Variants in LACTB observed in about 807,000 individuals in gnomAD.
LACTB encodes the protein lactamase beta.
A neutral mutation model predicts 50.2 loss-of-function variants in LACTB; 35 were observed. The ratio of observed to expected loss-of-function variants is 0.70; its 90% CI spans 0.53 to 0.92. The LOEUF (loss-of-function observed/expected upper bound fraction) is 0.92. Among genes scored for constraint, LACTB ranks in the 40% least tolerant of loss-of-function variants. The pLI, the probability that LACTB is intolerant of heterozygous loss-of-function variation, is 0.00. For synonymous variants in LACTB, 252 were observed against 268.2 expected (o/e 0.94, Z 0.59); for missense variants, 664 against 691.8 (o/e 0.96, Z 0.45).
intron 2 of LACTB, 78 bp downstream of exon 2, chr15:63,122,780 A>T (rs763985744): frequency 2.1e-6 from 2 of 938,320 alleles, no homozygotes; most frequent in Non-Finnish European, 1.7e-6. Flanking sequence ...AGTGGATCCC[A>T]TGAAATGCTA....
chr15:63,133,924 C>A (rs994892906), intron 5 of LACTB, among the ~76,000 whole-genome samples: 16 of 152,140 alleles, frequency 1.1e-4, no homozygotes, highest in African/African-American at 3.9e-4. Context: ...ATTTGGAAAG[C>A]AAATACTTGG....
At position 63,126,616 on chromosome 15, in the gene LACTB, A is replaced by G. The variant is rs572649907; in HGVS notation, c.425-243A>G. ...GCTAAGAAAAATTTGTATCTAAGTC[A>G]TAGAAAATTGCTATTGCAAACAGGG... On this transcript the variant is annotated intron_variant, in intron 2 of 5. Transcript: ENST00000261893. Among the ~76,000 whole-genome samples, 3 of 152,366 alleles carry G rather than the reference A, an allele frequency of 2.0e-5. No homozygotes were observed. The South Asian group carries it at 6.2e-4, about 32-fold the overall frequency.
intron 5 of LACTB, 29 bp downstream of exon 5, chr15:63,129,679 C>A: frequency 6.8e-7 from 1 of 1,471,118 alleles, no homozygotes; most frequent in South Asian, 1.5e-5. Flanking sequence ...CTGTGTCTAG[C>A]TATATCGCAT....
rs943328168 is a variant in LACTB, at chr15:63,122,158, C to T, written c.287C>T (p.Pro96Leu). The change falls in exon 1 of 6, where the codon CCG (proline) becomes CTG (leucine). Residue 96 changes from proline (P) to leucine (L), a missense_variant. Coordinates refer to ENST00000261893, the MANE Select transcript of LACTB (RefSeq NM_032857.5). Reference sequence around the variant, plus strand: ...CTCGCCCCGTGGTCTCCGCAGACCCCGGCGCCGCCCTGCTCCAGGTGCTTC... The same window carrying T: ...CTCGCCCCGTGGTCTCCGCAGACCCTGGCGCCGCCCTGCTCCAGGTGCTTC... ...QSLAPWSPQT[P>L]APPCSRCFAR... 1.4e-5 allele frequency: 21 copies of T among 1,514,970 alleles called. No homozygotes were observed. Among genetic ancestry groups the T allele is most frequent in the Non-Finnish European group, 1.8e-5 (20 of 1,139,234 alleles). The allele number at this position is 1,514,970 out of a possible 1,614,324, so 93.8% of individuals were successfully genotyped here.
rs1160210142 is a variant in LACTB at position 63,127,585 on chromosome 15, A to G, written c.848A>G (p.Lys283Arg). 1 of 1,613,626 alleles carries G rather than the reference A, an allele frequency of 6.2e-7. No homozygotes were observed. The change falls in exon 4 of 6, where the codon AAA (lysine) becomes AGA (arginine). Residue 283 changes from lysine to arginine, a missense_variant. Physicochemically the swap from Lys to Arg is conservative, Grantham distance 26 (BLOSUM62 2). Transcript: ENST00000261893. ...AKCRNSKPGK[K>R]KNDFEQGELY... is the part of the protein sequence containing the mutation. Reference sequence around the variant, plus strand: ...TGCCGGAATTCAAAACCTGGCAAGAAAAAGAATGATTTTGAACAAGGCGAA... The same window carrying G: ...TGCCGGAATTCAAAACCTGGCAAGAGAAAGAATGATTTTGAACAAGGCGAA...
At chr15:63,130,039 G>C (rs746952785) in intron 5 of LACTB, 1 of 155,026 alleles carries the variant, frequency 6.5e-6, no homozygotes, top group Non-Finnish European at 1.4e-5. Context: ...AGTTGCAAGA[G>C]TAGTACAAAG....
chr15:63,135,756 C>G (rs950724284), intron 5 of LACTB, among the ~76,000 whole-genome samples: 3 of 152,218 alleles, frequency 2.0e-5, no homozygotes, highest in African/African-American at 4.8e-5. Flanking sequence ...TCAGTTGAAT[C>G]TAAAAAAAGA....
chr15:63,141,627 C>T lies in LACTB; in HGVS notation c.1466C>T (p.Ala489Val). Residue 489 changes from alanine to valine, a missense_variant, in exon 6 of 6, where the codon GCA becomes GTA. By Grantham distance (64) the Ala-to-Val change is moderately conservative. Transcript: ENST00000261893. ...CATTATGCTTCACATACTGGAGGGG[C>T]AGTGGGTGCCAGTAGTGTCCTGCTG... ...QRHYASHTGG[A>V]VGASSVLLVL... The T allele has an allele frequency of 6.2e-7, 1 of 1,614,156 alleles. No homozygotes were observed. The highest frequency in any genetic ancestry group is 8.5e-7 in the Non-Finnish European group (1 of 1,180,020).
intron 1 of LACTB, 103 bp from the exon 2 acceptor site, chr15:63,122,533 C>A: frequency 2.1e-6 from 2 of 937,510 alleles, no homozygotes; most frequent in Non-Finnish European, 3.5e-6. Flanking sequence ...GTGGAGGGGG[C>A]GGGGCCCAGG....
At position 63,134,344 on chromosome 15, in the gene LACTB, G is replaced by A. The variant is rs140808315; in HGVS notation, c.1118+4694G>A. ...TAAAGGGGCACCAAAATGCAGTGGC[G>A]TGAGGAAAATAAAAGTTTAATTCCC... On this transcript the variant is annotated intron_variant, in intron 5 of 5. Transcript: ENST00000261893. Among the ~76,000 whole-genome samples the A allele has an allele frequency of 1.8e-3, 276 of 152,246 alleles. 3 individuals are homozygous for A. In the East Asian group the frequency reaches 0.03, roughly 16 times the overall value.
chr15:63,124,068 C>T (rs1025480000), intron 2 of LACTB, among the ~76,000 whole-genome samples: 2 of 152,122 alleles, frequency 1.3e-5, no homozygotes, highest in Non-Finnish European at 2.9e-5. Flanking sequence ...ACCGCTAGAC[C>T]ACGGTCCGGC....
At position 63,141,937 on chromosome 15, in the gene LACTB, A is replaced by G; in HGVS notation, c.*132A>G. ...TGAATGCAGAGAATTATGTACCTCT[A>G]ATTGCTTAATTTTGTAATGGTCTTT... is the stretch of plus-strand genomic sequence containing the variant. On this transcript the variant is annotated 3_prime_UTR_variant, in exon 6 of 6. Transcript: ENST00000261893. The G allele has an allele frequency of 1.5e-6, 1 of 686,746 alleles. No homozygotes were observed. Among genetic ancestry groups the G allele is most frequent in the Non-Finnish European group, 2.4e-6 (1 of 423,682 alleles). 42.5% of individuals were successfully genotyped at this position (686,746 alleles called of 1,614,324 possible).
At chr15:63,139,086 C>T (rs1387043669) in intron 5 of LACTB, among the ~76,000 whole-genome samples, 1 of 147,212 alleles carries the variant, frequency 6.8e-6, no homozygotes, top group Non-Finnish European at 1.5e-5. Flanking sequence ...CAGTGGCTCA[C>T]GCCTATAATC....
In LACTB at chr15:63,126,197, A is replaced by G. The variant is rs113731309; in HGVS notation, c.425-662A>G. On this transcript the variant is annotated intron_variant, in intron 2 of 5. Coordinates refer to ENST00000261893, the MANE Select transcript of LACTB (RefSeq NM_032857.5). ...CACTTTGTCGCCCTGGCTGGAGTGC[A>G]GTGGCGTTTTCTCAGCTCACCGCAA... is the stretch of plus-strand genomic sequence containing the variant. Among the ~76,000 whole-genome samples the G allele has an allele frequency of 2.0e-4, 31 of 152,314 alleles. 1 individual carries two copies. The highest frequency in any genetic ancestry group is 5.8e-4 in the African/African-American group (24 of 41,574).
intron 5 of LACTB, among the ~76,000 whole-genome samples, chr15:63,132,232 G>T (rs2037140897): frequency 6.6e-6 from 1 of 152,110 alleles, no homozygotes; most frequent in Non-Finnish European, 1.5e-5. Context: ...AGTCCTTGGT[G>T]TCTCTTGTTT....
chr15:63,125,858 C>CTT (rs1014557985), intron 2 of LACTB: 7 of 69,838 alleles, frequency 1.0e-4, no homozygotes, highest in East Asian at 5.5e-3. Context: ...TTCTTTCTTT[C>CTT]TTTCTTTTTT....
At chr15:63,133,493 G>A (rs1237198131) in intron 5 of LACTB, among the ~76,000 whole-genome samples, 5 of 152,090 alleles carry the variant, frequency 3.3e-5, no homozygotes, top group Non-Finnish European at 7.4e-5. Context: ...GCATAGTAGC[G>A]CACACCTGCG....
intron 2 of LACTB, among the ~76,000 whole-genome samples, chr15:63,123,999 A>G (rs555971121): frequency 1.5e-4 from 23 of 152,272 alleles, no homozygotes; most frequent in South Asian, 6.2e-4. Flanking sequence ...CCCGGAGAAA[A>G]GGAGACTCCC....
At position 63,129,488 on chromosome 15, in the gene LACTB, G is replaced by A. The variant is rs111861955; in HGVS notation, c.956G>A (p.Ser319Asn). The A allele has an allele frequency of 1.9e-6, 3 of 1,579,070 alleles. No individual in the cohort carries two copies. The highest frequency in any genetic ancestry group is 2.6e-6 in the Non-Finnish European group (3 of 1,165,344). The change falls in exon 5 of 6, where the codon AGT (serine) becomes AAT (asparagine). Residue 319 changes from serine to asparagine, a missense_variant. Physicochemically the swap from Ser to Asn is conservative, Grantham distance 46 (BLOSUM62 1). Coordinates refer to ENST00000261893, the MANE Select transcript of LACTB (RefSeq NM_032857.5). ...CTCCTCGCAATGATGTCTCAAGGTA[G>A]TCAGTTTTTGTATTCAACTTTTGGC... is the stretch of plus-strand genomic sequence containing the variant. ...KNDPLFFKPG[S>N]QFLYSTFGYT...
Sources: allele counts gnomAD v4.1 joint callset (sites outside exome capture counted in the v4.1 genomes callset), GRCh38; gene constraint gnomAD v4.1.1; transcripts MANE v1.5; gene names NCBI Gene and HGNC (gene_info 2026-07-23, HGNC 2026-07-21).